Variants in COL12A1 observed in about 807,000 individuals in gnomAD.
COL12A1 encodes collagen type XII alpha 1 chain, also known as collagen alpha-1(XII) chain.
Under a neutral mutation model 349.7 loss-of-function variants are expected in COL12A1, and 114 were observed. The observed-to-expected ratio is 0.33, with a 90% CI of 0.28 to 0.38. The LOEUF is 0.38. Among genes scored for constraint, COL12A1 ranks in the 10% least tolerant of loss-of-function variants. The pLI is 1.00. For missense variants in COL12A1, 3,284 were observed against 3,756.9 expected (o/e 0.87, Z 3.29); for synonymous variants, 1,369 against 1,329.0 (o/e 1.03, Z -0.66).
intron 2 of COL12A1, among the ~76,000 whole-genome samples, chr6:75,200,098 T>C: frequency 6.6e-6 from 1 of 152,100 alleles, no homozygotes; most frequent in East Asian, 1.9e-4. Flanking sequence ...AAGTTGAAAT[T>C]TTGAAATGCC....
At chr6:75,108,464 C>T (rs1296253840) in intron 52 of COL12A1, among the ~76,000 whole-genome samples, 3 of 152,048 alleles carry the variant, frequency 2.0e-5, no homozygotes, top group Admixed American at 6.6e-5. Flanking sequence ...TATTAGATAG[C>T]ATTGTAAATG....
intron 7 of COL12A1, 24 bp downstream of exon 7, chr6:75,189,193 A>G (rs1769794324): frequency 1.2e-6 from 2 of 1,607,954 alleles, no homozygotes; most frequent in African/African-American, 1.3e-5. Flanking sequence ...GTAAAATGGA[A>G]ATAATTAACT....
intron 14 of COL12A1, among the ~76,000 whole-genome samples, chr6:75,162,772 G>A (rs967159522): frequency 1.1e-4 from 17 of 152,166 alleles, no homozygotes; most frequent in African/African-American, 4.1e-4. Context: ...TCTGACAAAG[G>A]GCTAATATCC....
intron 41 of COL12A1, 31 bp from the exon 42 acceptor site, chr6:75,124,125 G>T (rs1765891867): frequency 6.2e-7 from 1 of 1,602,796 alleles, no homozygotes; most frequent in East Asian, 2.2e-5. Flanking sequence ...AAATGCCAGT[G>T]TCATCACCAA....
At position 75,143,408 on chromosome 6, in the gene COL12A1, T is replaced by G; in HGVS notation, c.4691-20A>C. 1.9e-6 allele frequency: 3 copies of G among 1,610,752 alleles called. No homozygotes were observed. Among genetic ancestry groups the G allele is most frequent in the Non-Finnish European group, 2.5e-6 (3 of 1,179,288 alleles). ...AAGGCACTAGAGAAGCACGAGATATTAAATCCAGATGTGCTTCTCAACCAC... is the reference window on the plus strand; with the variant it reads ...AAGGCACTAGAGAAGCACGAGATATGAAATCCAGATGTGCTTCTCAACCAC... On this transcript the variant is annotated intron_variant, in intron 25 of 65. Coordinates refer to ENST00000322507, the MANE Select transcript of COL12A1 (RefSeq NM_004370.6).
intron 12 of COL12A1, among the ~76,000 whole-genome samples, chr6:75,175,741 A>G (rs892308517): frequency 6.6e-6 from 1 of 152,246 alleles, no homozygotes; most frequent in Non-Finnish European, 1.5e-5. Flanking sequence ...TAAAGGTAAC[A>G]GGAGCGAATT....
chr6:75,155,912 T>C, intron 15 of COL12A1, 58 bp from the exon 16 acceptor site: 2 of 1,499,720 alleles, frequency 1.3e-6, no homozygotes, highest in Non-Finnish European at 1.8e-6. Flanking sequence ...TTGGGGTTTC[T>C]TTTTTATTAG....
intron 61 of COL12A1, 24 bp downstream of exon 61, chr6:75,091,466 G>GT (rs775597496): frequency 3.7e-6 from 6 of 1,612,594 alleles, no homozygotes; most frequent in Middle Eastern, 1.7e-4. Context: ...CAAAATAAAC[G>GT]TAAGATTTTT....
Position 75,174,505 on chromosome 6 carries a change from G to T in COL12A1, c.2710+533C>A, listed in dbSNP as rs1422031017. On this transcript the variant is annotated intron_variant, in intron 13 of 65. Transcript: ENST00000322507. ...ATAGAGGCAGAGCTTGCAGTGAGCC[G>T]AGATAGCGCCACTGCAGTCCAGCCT... is the stretch of plus-strand genomic sequence containing the variant. Among the ~76,000 whole-genome samples the T allele has an allele frequency of 4.6e-5, 7 of 152,224 alleles. No homozygotes were observed. In the South Asian group the frequency reaches 1.5e-3, roughly 32 times the overall value.
chr6:75,134,486 G>A (rs756139749), intron 32 of COL12A1, among the ~76,000 whole-genome samples: 4 of 151,954 alleles, frequency 2.6e-5, no homozygotes, highest in African/African-American at 4.8e-5. Flanking sequence ...CAGGAGAATC[G>A]CTTGAACCCG....
chr6:75,142,173 A>G lies in COL12A1; in HGVS notation c.4828-12T>C. 6.2e-7 allele frequency: 1 copy of G among 1,614,020 alleles called. No individual in the cohort carries two copies. The highest frequency in any genetic ancestry group is 8.5e-7 in the Non-Finnish European group (1 of 1,179,898). On this transcript the variant is annotated splice_polypyrimidine_tract_variant and intron_variant, in intron 26 of 65. Coordinates refer to ENST00000322507, the MANE Select transcript of COL12A1 (RefSeq NM_004370.6). The stretch of plus-strand genomic sequence containing the variant: ...CTGTCCACCTCTACCTATAACAGTA[A>G]CAGAGCAGTGGAACTACTTTTACAA...
At chr6:75,095,414 G>C (rs1003551143) in intron 59 of COL12A1, among the ~76,000 whole-genome samples, 1 of 151,814 alleles carries the variant, frequency 6.6e-6, no homozygotes, top group South Asian at 2.1e-4. Flanking sequence ...TCAGGAGATC[G>C]AGACCATCCT....
intron 14 of COL12A1, among the ~76,000 whole-genome samples, chr6:75,163,372 T>A (rs1768118636): frequency 6.6e-6 from 1 of 152,164 alleles, no homozygotes; most frequent in African/African-American, 2.4e-5. Flanking sequence ...AGGACATGGA[T>A]CATGTTGAAA....
chr6:75,175,110 CG>C lies in COL12A1; in HGVS notation c.2637del (p.Tyr879Ter), dbSNP rs776534339. ...GCATACAAGGCTGTCACAGATAAGG[CG>C]TATTGTGTCCCTTCCTTCAATCCCT... ...VLQGLKEGTQ[Y>X]ALSVTALYAS... is the part of the protein sequence containing the mutation. On this transcript the variant is annotated frameshift_variant, in exon 13 of 66. Coordinates refer to ENST00000322507, the MANE Select transcript of COL12A1 (RefSeq NM_004370.6). LOFTEE classifies it high-confidence loss of function. The C allele has an allele frequency of 1.2e-6, 2 of 1,614,152 alleles. No homozygotes were observed. The highest frequency in any genetic ancestry group is 2.2e-5 in the South Asian group (2 of 91,084).
In COL12A1 at chr6:75,095,763, A is replaced by C. The variant is rs553859165; in HGVS notation, c.8578-584T>G. Among the ~76,000 whole-genome samples, 5 of 152,354 alleles carry C rather than the reference A, an allele frequency of 3.3e-5. No homozygotes were observed. The East Asian group carries it at 9.6e-4, about 29-fold the overall frequency. On this transcript the variant is annotated intron_variant, in intron 59 of 65. Coordinates refer to ENST00000322507, the MANE Select transcript of COL12A1 (RefSeq NM_004370.6). ...AAAATACACGCATATGTATATAATC[A>C]GTTTCACAATTTAAGACTATGATCC...
intron 24 of COL12A1, among the ~76,000 whole-genome samples, 156 bp from the exon 25 acceptor site, chr6:75,145,611 C>CTTTT (rs56698330): frequency 2.0e-4 from 24 of 121,188 alleles, no homozygotes; most frequent in East Asian, 7.2e-4. Context: ...CTGATGTTTT[C>CTTTT]TTTTTTTTTT....
chr6:75,139,007 G>T, intron 27 of COL12A1, 46 bp from the exon 28 acceptor site: 2 of 1,605,022 alleles, frequency 1.2e-6, no homozygotes, highest in East Asian at 2.2e-5. Context: ...AATGTGAGCT[G>T]CAAATGCAAT....
chr6:75,101,610 G>A lies in COL12A1; in HGVS notation c.8513C>T (p.Pro2838Leu), dbSNP rs777506657. The A allele has an allele frequency of 6.2e-7, 1 of 1,613,632 alleles. No individual in the cohort carries two copies. Among genetic ancestry groups the A allele is most frequent in the South Asian group, 1.1e-5 (1 of 91,020 alleles). The part of the protein sequence containing the change: ...LPGPPGPMGP[P>L]GDRGFTGKDG... ...CTCAAGAAAACTTACTCTGTCTCCT[G>A]GAGGTCCCATTGGTCCTGGTGGGCC... The change falls in exon 58 of 66, where the codon CCA becomes CTA. Residue 2838 changes from proline to leucine, a missense_variant. Pro to Leu is a moderately conservative substitution (Grantham distance 98, BLOSUM62 -3). This residue lies in a region of COL12A1 where 683 missense variants were observed against 932.1 expected (regional missense o/e 0.73). Coordinates refer to ENST00000322507, the MANE Select transcript of COL12A1 (RefSeq NM_004370.6).
intron 58 of COL12A1, among the ~76,000 whole-genome samples, chr6:75,100,191 C>T (rs1323073360): frequency 1.3e-5 from 2 of 152,160 alleles, no homozygotes; most frequent in Non-Finnish European, 2.9e-5. Flanking sequence ...CAGTCCCTTC[C>T]AGTCCCTTAC....
Sources: gnomAD v4.1 joint callset for allele counts (sites outside exome capture counted in the v4.1 genomes callset) on GRCh38, gnomAD v4.1.1 for gene constraint, gnomAD v4.1.1 regional missense constraint, MANE v1.5 for transcripts, NCBI Gene and HGNC (gene_info 2026-07-23, HGNC 2026-07-21) for gene names.